Variants in MAP4K5 observed in about 807,000 individuals in gnomAD.
The protein encoded by MAP4K5 is MAPK/ERK kinase kinase kinase 5.
Under a neutral mutation model 135.6 loss-of-function variants are expected in MAP4K5, and 82 were observed. The observed-to-expected ratio is 0.60, with a 90% CI of 0.51 to 0.73. The LOEUF is 0.73. Among genes scored for constraint, MAP4K5 ranks in the 30% least tolerant of loss-of-function variants. MAP4K5 has a pLI of 0.00. For synonymous variants in MAP4K5, 347 were observed against 335.0 expected (o/e 1.04, Z -0.39); for missense variants, 907 against 1,010.9 (o/e 0.90, Z 1.39).
intron 2 of MAP4K5, among the ~76,000 whole-genome samples, chr14:50,523,172 G>A (rs1057005864): frequency 5.9e-5 from 9 of 152,102 alleles, no homozygotes; most frequent in African/African-American, 1.7e-4. Context: ...TTAGCCGGGC[G>A]TGGTGGCCCA....
chr14:50,512,570 A>G (rs772339254), intron 2 of MAP4K5, among the ~76,000 whole-genome samples: 3 of 152,186 alleles, frequency 2.0e-5, no homozygotes, highest in African/African-American at 7.2e-5. Flanking sequence ...TTTTGAAGAC[A>G]TATTTCTGTT....
At chr14:50,524,672 GAA>G (rs988084135) in intron 2 of MAP4K5, among the ~76,000 whole-genome samples, 6 of 151,880 alleles carry the variant, frequency 4.0e-5, no homozygotes, top group African/African-American at 1.5e-4. Flanking sequence ...AGATGGAAGA[GAA>G]AGAGTGTTCT....
intron 25 of MAP4K5, 142 bp downstream of exon 25, chr14:50,437,752 A>G: frequency 1.5e-6 from 1 of 671,334 alleles, no homozygotes; most frequent in South Asian, 2.0e-5. Flanking sequence ...GAAAACGTTC[A>G]GCTTTTCCAG....
chr14:50,471,913 A>C (rs908214332), intron 9 of MAP4K5: 1 of 152,304 alleles, frequency 6.6e-6, no homozygotes, highest in Admixed American at 6.5e-5. Flanking sequence ...TGACTATAAA[A>C]AATGTGGTAA....
chr14:50,445,468 T>C (rs1220080816), intron 17 of MAP4K5, among the ~76,000 whole-genome samples: 1 of 152,192 alleles, frequency 6.6e-6, no homozygotes, highest in Non-Finnish European at 1.5e-5. Flanking sequence ...ACTCCACTAA[T>C]ATGTCAAATT....
intron 30 of MAP4K5, 77 bp from the exon 31 acceptor site, chr14:50,426,054 A>C: frequency 1.1e-6 from 1 of 917,386 alleles, no homozygotes; most frequent in Non-Finnish European, 1.7e-6. Flanking sequence ...ACTTTTAATA[A>C]ATAATATAAG....
chr14:50,437,870 T>C (rs2036132747), intron 25 of MAP4K5, 24 bp downstream of exon 25: 1 of 1,331,116 alleles, frequency 7.5e-7, no homozygotes, highest in East Asian at 2.3e-5. Context: ...CCTCATTCAG[T>C]AGAATCAAAA....
At chr14:50,541,986 G>A (rs1218478575) in intron 2 of MAP4K5, among the ~76,000 whole-genome samples, 24 of 124,878 alleles carry the variant, frequency 1.9e-4, no homozygotes, top group African/African-American at 7.6e-4. Flanking sequence ...CAGCCTGGGC[G>A]ACAGAGCGAG....
At chr14:50,518,770 A>G (rs1009724996) in intron 2 of MAP4K5, among the ~76,000 whole-genome samples, 1 of 152,228 alleles carries the variant, frequency 6.6e-6, no homozygotes, top group African/African-American at 2.4e-5. Flanking sequence ...GACTGATTTT[A>G]TTAAAAGAAG....
At chr14:50,473,802 T>A (rs2037029463) in intron 9 of MAP4K5, among the ~76,000 whole-genome samples, 1 of 148,690 alleles carries the variant, frequency 6.7e-6, no homozygotes. Flanking sequence ...CAGCTCGCTG[T>A]AAGCTCTGAC....
intron 2 of MAP4K5, among the ~76,000 whole-genome samples, chr14:50,530,200 G>A (rs181632313): frequency 6.6e-6 from 1 of 152,116 alleles, no homozygotes; most frequent in Non-Finnish European, 1.5e-5. Flanking sequence ...ATGAATATTC[G>A]GTTTTTGATT....
At position 50,486,169 on chromosome 14, in the gene MAP4K5, T is replaced by C. The variant is rs1198873475; in HGVS notation, c.192A>G (p.Gln64=). The C allele has an allele frequency of 2.2e-6, 3 of 1,374,512 alleles. No individual in the cohort carries two copies. The highest frequency in any genetic ancestry group is 2.0e-6 in the Non-Finnish European group (2 of 1,001,978). The allele number at this position is 1,374,512 out of a possible 1,614,324, so 85.1% of individuals were successfully genotyped here. A position where few individuals can be genotyped will look rare whatever the true frequency, so the allele number is the denominator to read the frequency against. Reference sequence around the variant, plus strand: ...TACATTCTTTAACCATAAATATTTCTTGTTGAATCAAAGAAAAATCATCTC... The same window carrying C: ...TACATTCTTTAACCATAAATATTTCCTGTTGAATCAAAGAAAAATCATCTC... The part of the protein sequence containing the change: ...EPGDDFSLIQ[Q]EIFMVKECKH... The change falls in exon 4 of 33, where the codon CAA becomes CAG. Residue 64 remains glutamine (Q), a synonymous_variant. Transcript: ENST00000682126.
chr14:50,499,295 G>C (rs982664899), intron 3 of MAP4K5, among the ~76,000 whole-genome samples: 2 of 152,108 alleles, frequency 1.3e-5, no homozygotes, highest in African/African-American at 4.8e-5. Flanking sequence ...TAGAGTTAAG[G>C]GGGGAAAGCT....
intron 1 of MAP4K5, among the ~76,000 whole-genome samples, chr14:50,547,294 G>A (rs1030827265): frequency 2.6e-5 from 4 of 152,054 alleles, no homozygotes; most frequent in South Asian, 2.1e-4. Flanking sequence ...ATTATTTTAG[G>A]TACTCAGTGA....
intron 21 of MAP4K5, among the ~76,000 whole-genome samples, chr14:50,442,125 C>G (rs1164082877): frequency 6.6e-6 from 1 of 152,072 alleles, no homozygotes; most frequent in Non-Finnish European, 1.5e-5. Flanking sequence ...TTCCTCACTT[C>G]AGAAACATAG....
chr14:50,460,515 T>C (rs1314903188), intron 13 of MAP4K5, among the ~76,000 whole-genome samples: 1 of 152,238 alleles, frequency 6.6e-6, no homozygotes, highest in African/African-American at 2.4e-5. Flanking sequence ...TATCTAATTC[T>C]ACATTTATGC....
chr14:50,478,746 T>C (rs1808865054), intron 6 of MAP4K5, among the ~76,000 whole-genome samples: 1 of 152,184 alleles, frequency 6.6e-6, no homozygotes, highest in African/African-American at 2.4e-5. Context: ...TGCTGGTGAC[T>C]TGTTCTTTCA....
At chr14:50,558,228 G>A (rs921870975) in intron 1 of MAP4K5, among the ~76,000 whole-genome samples, 1 of 152,090 alleles carries the variant, frequency 6.6e-6, no homozygotes, top group African/African-American at 2.4e-5. Context: ...GCGTGCTGGC[G>A]ACCGCCAGTA....
At chr14:50,544,658 C>T (rs973215861) in intron 1 of MAP4K5, among the ~76,000 whole-genome samples, 6 of 151,968 alleles carry the variant, frequency 3.9e-5, no homozygotes, top group Middle Eastern at 3.4e-3. Flanking sequence ...GGTGGCTGGG[C>T]GATGGTGGCT....
Sources: gnomAD v4.1 joint callset for allele counts (sites outside exome capture counted in the v4.1 genomes callset) on GRCh38, gnomAD v4.1.1 for gene constraint, MANE v1.5 for transcripts, NCBI Gene and HGNC (gene_info 2026-07-23, HGNC 2026-07-21) for gene names.